The following ZBTB8A variants were observed in gnomAD, a reference collection of about 807,000 sequenced individuals.
ZBTB8A encodes zinc finger and BTB domain-containing protein 8A.
ZBTB8A carries 19 observed loss-of-function variants against 37.8 expected under a neutral mutation model. That is an observed-to-expected ratio of 0.50 (90% CI 0.35 to 0.74). The LOEUF is 0.74. Ranked by LOEUF, ZBTB8A falls within the 30% of genes least tolerant of loss-of-function variation. ZBTB8A has a pLI of 0.01. For synonymous variants in ZBTB8A, 181 were observed against 185.2 expected (o/e 0.98, Z 0.19); for missense variants, 394 against 537.8 (o/e 0.73, Z 2.65).
In ZBTB8A at chr1:32,546,315, G is replaced by A. The variant is rs574109201; in HGVS notation, c.-84+6743G>A. Among the ~76,000 whole-genome samples the A allele has an allele frequency of 9.9e-5, 15 of 152,086 alleles. No homozygotes were observed. In the East Asian group the frequency reaches 2.7e-3, roughly 27 times the overall value. On this transcript the variant is annotated intron_variant, in intron 1 of 4. Transcript: ENST00000373510. ...AATAATTAGCCAGGTGTGGTGGTGC[G>A]TGCCTGTAATCCCAGCTACTCAGGA...
intron 2 of ZBTB8A, among the ~76,000 whole-genome samples, chr1:32,580,947 G>A (rs1002576899): frequency 2.0e-5 from 3 of 150,084 alleles, no homozygotes; most frequent in Non-Finnish European, 4.4e-5. Context: ...CCAAGATAAC[G>A]GCATTAATCC....
intron 2 of ZBTB8A, among the ~76,000 whole-genome samples, chr1:32,584,339 C>A (rs1570358806): frequency 6.6e-6 from 1 of 151,088 alleles, no homozygotes; most frequent in African/African-American, 2.5e-5. Flanking sequence ...GTTATGGCAG[C>A]CCTAGGAAAC....
intron 3 of ZBTB8A, 34 bp from the exon 4 acceptor site, chr1:32,595,020 T>C (rs1644519213): frequency 1.3e-6 from 2 of 1,582,508 alleles, no homozygotes; most frequent in African/African-American, 1.3e-5. Context: ...TGTTATGAAC[T>C]TTCCAGTGAT....
chr1:32,604,245 C>T lies in ZBTB8A; in HGVS notation c.*3826C>T, dbSNP rs1165970002. ...TAGTGTCTGGGAGAAACAAAATGGA[C>T]TAGACCTGCAGTTTAAAATAATTTA... On this transcript the variant is annotated 3_prime_UTR_variant, in exon 5 of 5. Transcript: ENST00000373510. 1 of 152,126 alleles carries T rather than the reference C, an allele frequency of 6.6e-6. No homozygotes were observed. Among genetic ancestry groups the T allele is most frequent in the Non-Finnish European group, 1.5e-5 (1 of 68,014 alleles). The allele number at this position is 152,126 out of a possible 1,614,324, so 9.4% of individuals were successfully genotyped here.
At chr1:32,596,859 T>C (rs981612508) in intron 4 of ZBTB8A, among the ~76,000 whole-genome samples, 8 of 152,162 alleles carry the variant, frequency 5.3e-5, no homozygotes, top group African/African-American at 1.7e-4. Context: ...AAAGATAATA[T>C]AAACTGTATA....
In ZBTB8A at chr1:32,605,643, T is replaced by G. The variant is rs1452192853; in HGVS notation, c.*5224T>G. 7.3e-6 allele frequency: 1 copy of G among 137,734 alleles called. No homozygotes were observed. 8.5% of individuals were successfully genotyped at this position (137,734 alleles called of 1,614,324 possible). On this transcript the variant is annotated 3_prime_UTR_variant, in exon 5 of 5. Transcript: ENST00000373510. ...TTGCTTGAACTCAGGAGGCGGAGGT[T>G]GCAGTGAGCCAAGATCACGCTACTG...
intron 2 of ZBTB8A, among the ~76,000 whole-genome samples, chr1:32,562,946 G>A (rs1322649872): frequency 1.3e-5 from 2 of 152,058 alleles, no homozygotes; most frequent in Non-Finnish European, 2.9e-5. Flanking sequence ...ATTATAAAAT[G>A]TAAATCATTT....
intron 1 of ZBTB8A, among the ~76,000 whole-genome samples, chr1:32,550,813 C>T (rs1226809688): frequency 6.6e-6 from 1 of 151,552 alleles, no homozygotes; most frequent in African/African-American, 2.4e-5. Context: ...AAAAATTAGG[C>T]GGGTGTGGTG....
intron 1 of ZBTB8A, among the ~76,000 whole-genome samples, chr1:32,548,137 TAAAAAAA>T (rs770998213): frequency 3.0e-4 from 20 of 65,770 alleles, no homozygotes; most frequent in Admixed American, 5.9e-4. Context: ...CGTCTCAAAT[TAAAAAAA>T]AAAAAAAAAA....
intron 1 of ZBTB8A, among the ~76,000 whole-genome samples, chr1:32,550,511 C>T (rs1323307774): frequency 2.6e-5 from 4 of 152,062 alleles, no homozygotes; most frequent in Non-Finnish European, 4.4e-5. Context: ...CCCAGCTCCT[C>T]GGAAGGCTGA....
chr1:32,546,886 G>C (rs118066975), intron 1 of ZBTB8A, among the ~76,000 whole-genome samples: 1 of 152,044 alleles, frequency 6.6e-6, no homozygotes. Context: ...TACAGTTCCA[G>C]AATATCTGGG....
intron 2 of ZBTB8A, among the ~76,000 whole-genome samples, chr1:32,580,231 A>G (rs989137122): frequency 3.3e-5 from 5 of 152,064 alleles, no homozygotes; most frequent in African/African-American, 1.2e-4. Context: ...ACTCCATCTC[A>G]AAAAAACAAA....
intron 1 of ZBTB8A, among the ~76,000 whole-genome samples, chr1:32,541,296 T>G (rs1015003487): frequency 3.3e-5 from 5 of 152,188 alleles, no homozygotes; most frequent in African/African-American, 1.2e-4. Context: ...ACTTCTCTCA[T>G]GATCTGCTTT....
chr1:32,541,429 T>C (rs1570300171), intron 1 of ZBTB8A, among the ~76,000 whole-genome samples: 1 of 152,226 alleles, frequency 6.6e-6, no homozygotes, highest in East Asian at 1.9e-4. Context: ...CATGACTCTC[T>C]TACTTCCTTT....
At chr1:32,599,586 A>C (rs1644559342) in intron 4 of ZBTB8A, among the ~76,000 whole-genome samples, 1 of 152,082 alleles carries the variant, frequency 6.6e-6, no homozygotes, top group African/African-American at 2.4e-5. Flanking sequence ...GCGTGGTGGC[A>C]CGTGCCTGTA....
chr1:32,556,677 GA>G (rs1644205287), intron 2 of ZBTB8A, among the ~76,000 whole-genome samples: 1 of 152,012 alleles, frequency 6.6e-6, no homozygotes, highest in Non-Finnish European at 1.5e-5. Flanking sequence ...AAGATATCAA[GA>G]CAGTTCCAGC....
chr1:32,595,570 G>GT (rs1262665410), intron 4 of ZBTB8A, among the ~76,000 whole-genome samples: 75 of 143,678 alleles, frequency 5.2e-4, no homozygotes, highest in African/African-American at 1.8e-3. Flanking sequence ...GCCCGGCCTT[G>GT]TTTTGTTTTT....
At chr1:32,555,503 C>A (rs914743958) in intron 2 of ZBTB8A, among the ~76,000 whole-genome samples, 2 of 152,170 alleles carry the variant, frequency 1.3e-5, no homozygotes, top group African/African-American at 4.8e-5. Flanking sequence ...TGTACTGCAT[C>A]TGTCTTGAAA....
At chr1:32,580,228 C>T (rs1427811171) in intron 2 of ZBTB8A, among the ~76,000 whole-genome samples, 1 of 151,872 alleles carries the variant, frequency 6.6e-6, no homozygotes, top group African/African-American at 2.4e-5. Context: ...GAGACTCCAT[C>T]TCAAAAAAAC....
Sources: gnomAD v4.1 joint callset for allele counts (sites outside exome capture counted in the v4.1 genomes callset) on GRCh38, gnomAD v4.1.1 for gene constraint, MANE v1.5 for transcripts, NCBI Gene and HGNC (gene_info 2026-07-23, HGNC 2026-07-21) for gene names.